The following FBLN1 variants were observed in gnomAD, a reference collection of about 807,000 sequenced individuals.
FBLN1 encodes the protein fibulin 1.
Under a neutral mutation model 89.7 loss-of-function variants are expected in FBLN1, and 34 were observed. The ratio of observed to expected loss-of-function variants is 0.38; its 90% CI spans 0.29 to 0.50. The LOEUF (loss-of-function observed/expected upper bound fraction) is 0.50, where lower values mean the gene tolerates loss of function less well. FBLN1 is among the 20% of genes least tolerant of loss of function. The pLI, the probability that FBLN1 is intolerant of heterozygous loss-of-function variation, is 0.92. For synonymous variants in FBLN1, 393 were observed against 391.3 expected, an observed-to-expected ratio of 1.00 and a Z score of -0.05; for missense variants, 777 against 988.1, an observed-to-expected ratio of 0.79 and a Z score of 2.86.
intron 8 of FBLN1, 39 bp downstream of exon 8, chr22:45,535,376 G>C (rs764373755): frequency 6.2e-7 from 1 of 1,612,778 alleles, no homozygotes; most frequent in Admixed American, 1.7e-5. Context: ...GTTATTCCAG[G>C]AGGGGCCAGC....
At chr22:45,591,006 G>T (rs2089131757) in intron 16 of FBLN1, among the ~76,000 whole-genome samples, 1 of 152,132 alleles carries the variant, frequency 6.6e-6, no homozygotes, top group Admixed American at 6.5e-5. Flanking sequence ...CACACGGAGG[G>T]AGGGGACATG....
Position 45,550,392 on chromosome 22 carries a change from C to T in FBLN1, c.1574-100C>T. 1 of 1,576,834 alleles carries T rather than the reference C, an allele frequency of 6.3e-7. No homozygotes were observed. Among genetic ancestry groups the T allele is most frequent in the Non-Finnish European group, 8.7e-7 (1 of 1,151,620 alleles). On this transcript the variant is annotated intron_variant, in intron 13 of 16. Transcript: ENST00000327858. The surrounding 1 kb of genome is among the most constrained non-coding windows in gnomAD (Gnocchi z 8.4). ...GGGCAGGGATGGCCTGATCGCCACC[C>T]CTAACCCTAGTTGATGGGAGGCCTG...
Position 45,601,088 on chromosome 22 carries a change from C to T in FBLN1, c.*642C>T, listed in dbSNP as rs183065794. 3 of 156,984 alleles carry T rather than the reference C, an allele frequency of 1.9e-5. No individual in the cohort carries two copies. The highest frequency in any genetic ancestry group is 1.8e-4 in the Admixed American group (3 of 16,274). 9.7% of individuals were successfully genotyped at this position (156,984 alleles called of 1,614,324 possible). On this transcript the variant is annotated 3_prime_UTR_variant, in exon 17 of 17. Transcript: ENST00000327858. The stretch of plus-strand genomic sequence containing the variant: ...GGATTTCTCGGCACTCTGCATCATC[C>T]ATCTTTTCTTATAGGTGGGAAAATA...
In FBLN1 at chr22:45,563,060, A is replaced by G. The variant is rs1246098670; in HGVS notation, c.1698-11451A>G. On this transcript the variant is annotated intron_variant, in intron 14 of 16. Coordinates refer to ENST00000327858, the MANE Select transcript of FBLN1 (RefSeq NM_006486.3). The surrounding 1 kb of genome is among the most constrained non-coding windows in gnomAD (Gnocchi z 5.7). ...CCCCTCCAGTGCTGTCCCCGGGGAC[A>G]GCATGCAGCTGGCCATCACCGGCGG... 1.2e-5 allele frequency: 20 copies of G among 1,613,238 alleles called. No individual in the cohort carries two copies. The highest frequency in any genetic ancestry group is 1.5e-5 in the Non-Finnish European group (18 of 1,179,952).
At chr22:45,565,065 C>A in intron 14 of FBLN1, 2 of 1,604,522 alleles carry the variant, frequency 1.2e-6, no homozygotes, top group African/African-American at 2.7e-5. Context: ...GCCACGGGAG[C>A]ATGAGCCCTT....
rs1229846943 is a variant in FBLN1, at chr22:45,576,043, G to T, written c.1841-934G>T. Among the ~76,000 whole-genome samples, 1 of 152,188 alleles carries T rather than the reference G, an allele frequency of 6.6e-6. No homozygotes were observed. The highest frequency in any genetic ancestry group is 6.5e-5 in the Admixed American group (1 of 15,288). ...ACACCATGACACAACCATGCGGGGGGGTGGGGGGAGGAGAGGCTCCCTCAG... is the reference window on the plus strand; with the variant it reads ...ACACCATGACACAACCATGCGGGGGTGTGGGGGGAGGAGAGGCTCCCTCAG... On this transcript the variant is annotated intron_variant, in intron 15 of 16. Coordinates refer to ENST00000327858, the MANE Select transcript of FBLN1 (RefSeq NM_006486.3). The surrounding 1 kb of genome is among the most constrained non-coding windows in gnomAD (Gnocchi z 5.2).
Position 45,537,956 on chromosome 22 carries a change from C to T in FBLN1, c.922+2619C>T, listed in dbSNP as rs2088504334. ...TCGACTGAGGATGGAAACCCTGACTCATGGCAAAATCAGCCCCGATTTCCA... is the reference window on the plus strand; with the variant it reads ...TCGACTGAGGATGGAAACCCTGACTTATGGCAAAATCAGCCCCGATTTCCA... On this transcript the variant is annotated intron_variant, in intron 8 of 16. Transcript: ENST00000327858. The surrounding 1 kb of genome is among the most constrained non-coding windows in gnomAD (Gnocchi z 5.7). 6.6e-6 allele frequency among the ~76,000 whole-genome samples: 1 copy of T among 152,244 alleles called. No individual in the cohort carries two copies. Among genetic ancestry groups the T allele is most frequent in the South Asian group, 2.1e-4 (1 of 4,836 alleles).
intron 16 of FBLN1, among the ~76,000 whole-genome samples, chr22:45,598,289 G>A (rs1279531459): frequency 6.6e-6 from 1 of 152,198 alleles, no homozygotes; most frequent in African/African-American, 2.4e-5. Flanking sequence ...TTTCAGTGTT[G>A]CCACGTGGTA....
rs1296005094 is a variant in FBLN1 at position 45,538,731 on chromosome 22, G to A, written c.923-2498G>A. 5.3e-5 allele frequency among the ~76,000 whole-genome samples: 8 copies of A among 152,170 alleles called. No homozygotes were observed. The East Asian group carries it at 1.4e-3, about 26-fold the overall frequency. Reference sequence around the variant, plus strand: ...TCCCACACCTCTGCCCATGGTACCCGCTCCCTCACCCAGGAACAGCATGGT... The same window carrying A: ...TCCCACACCTCTGCCCATGGTACCCACTCCCTCACCCAGGAACAGCATGGT... On this transcript the variant is annotated intron_variant, in intron 8 of 16. Transcript: ENST00000327858.
chr22:45,520,685 G>A (rs2088238218), intron 2 of FBLN1, among the ~76,000 whole-genome samples: 2 of 152,192 alleles, frequency 1.3e-5, no homozygotes, highest in African/African-American at 4.8e-5. Flanking sequence ...ACCCCTCAAC[G>A]TGCAGGCAGA....
At chr22:45,596,487 G>A (rs2089187070) in intron 16 of FBLN1, among the ~76,000 whole-genome samples, 1 of 151,914 alleles carries the variant, frequency 6.6e-6, no homozygotes, top group Admixed American at 6.6e-5. Flanking sequence ...TAATATTAAT[G>A]GTCCCACATG....
At position 45,571,111 on chromosome 22, in the gene FBLN1, C is replaced by CAAAAAAAAAA. The variant is rs542647353; in HGVS notation, c.1698-3384_1698-3375dup. The stretch of plus-strand genomic sequence containing the variant: ...ATTCCAGCCTGGGAAACAAGAGTCT[C>CAAAAAAAAAA]AAAAAAAAAAAAAAAAAAAAAAAAA... On this transcript the variant is annotated intron_variant, in intron 14 of 16. Coordinates refer to ENST00000327858, the MANE Select transcript of FBLN1 (RefSeq NM_006486.3). Among the ~76,000 whole-genome samples the CAAAAAAAAAA allele has an allele frequency of 2.1e-3, 146 of 70,758 alleles. 1 individual carries two copies. The highest frequency in any genetic ancestry group is 3.4e-3 in the East Asian group (8 of 2,336). The allele number at this position is 70,758 out of a possible 152,430, so 46.4% of individuals were successfully genotyped here. A position where few individuals can be genotyped will look rare whatever the true frequency, so the allele number is the denominator to read the frequency against.
chr22:45,564,156 C>T (rs1425588813), intron 14 of FBLN1, among the ~76,000 whole-genome samples: 1 of 152,178 alleles, frequency 6.6e-6, no homozygotes, highest in Non-Finnish European at 1.5e-5. Flanking sequence ...CTGGCTGTTG[C>T]GTTCTGCCAG....
chr22:45,556,366 C>T lies in FBLN1; in HGVS notation c.1697+5751C>T, dbSNP rs935984250. ...CGTTTCTGCAACTGGTCACATGGCT[C>T]GTAGCTGGTATTGATGACTGCCTTC... On this transcript the variant is annotated intron_variant, in intron 14 of 16. Transcript: ENST00000327858. This position sits in a 1 kb window ranked among gnomAD's most constrained non-coding sequence, Gnocchi z 4.6. Among the ~76,000 whole-genome samples the T allele has an allele frequency of 1.3e-5, 2 of 152,136 alleles. No homozygotes were observed. Among genetic ancestry groups the T allele is most frequent in the African/African-American group, 2.4e-5 (1 of 41,424 alleles).
intron 16 of FBLN1, among the ~76,000 whole-genome samples, chr22:45,594,825 G>A (rs2089170407): frequency 6.6e-6 from 1 of 151,276 alleles, no homozygotes; most frequent in Non-Finnish European, 1.5e-5. Flanking sequence ...TCCATGGGTA[G>A]GTGAGTTGAT....
At chr22:45,555,603 A>G (rs958818043) in intron 14 of FBLN1, among the ~76,000 whole-genome samples, 1 of 152,066 alleles carries the variant, frequency 6.6e-6, no homozygotes, top group Admixed American at 6.6e-5. Flanking sequence ...TTCCCAGCCC[A>G]CTGACTCAAA....
Position 45,504,364 on chromosome 22 carries a change from G to T in FBLN1, c.79+1300G>T, listed in dbSNP as rs182904956. ...GGGGTTGGAGATGGTGTGGGGAGGCGCAGAGCTCAGTGTTGGCACCAGGAG... is the reference window on the plus strand; with the variant it reads ...GGGGTTGGAGATGGTGTGGGGAGGCTCAGAGCTCAGTGTTGGCACCAGGAG... On this transcript the variant is annotated intron_variant, in intron 1 of 16. Coordinates refer to ENST00000327858, the MANE Select transcript of FBLN1 (RefSeq NM_006486.3). Among the ~76,000 whole-genome samples, 681 of 152,224 alleles carry T rather than the reference G, an allele frequency of 4.5e-3. 2 individuals carry two copies. The highest frequency in any genetic ancestry group is 0.016 in the African/African-American group (658 of 41,526).
chr22:45,562,370 G>T lies in FBLN1; in HGVS notation c.1697+11755G>T, dbSNP rs111596017. 6.6e-6 allele frequency among the ~76,000 whole-genome samples: 1 copy of T among 152,240 alleles called. No individual in the cohort carries two copies. The highest frequency in any genetic ancestry group is 1.5e-5 in the Non-Finnish European group (1 of 68,036). On this transcript the variant is annotated intron_variant, in intron 14 of 16. Transcript: ENST00000327858. The surrounding 1 kb of genome is among the most constrained non-coding windows in gnomAD (Gnocchi z 7.8). ...AGTGGGAAGGCCACATTCTCTCTGA[G>T]CCTCAGTGTCCTCATGTGAAAAATA...
intron 16 of FBLN1, among the ~76,000 whole-genome samples, chr22:45,593,882 G>A (rs535396258): frequency 1.3e-5 from 2 of 152,294 alleles, no homozygotes; most frequent in East Asian, 3.9e-4. Flanking sequence ...GGGCCTGCCA[G>A]GGCCTGGGTT....
Sources: gnomAD v4.1 joint callset for allele counts (sites outside exome capture counted in the v4.1 genomes callset) on GRCh38, gnomAD v4.1.1 for gene constraint, Gnocchi (gnomAD v3.1) non-coding constraint, MANE v1.5 for transcripts, NCBI Gene and HGNC (gene_info 2026-07-23, HGNC 2026-07-21) for gene names.